EPB41L3: variants seen among roughly 807,000 people sequenced by gnomAD.
The protein encoded by EPB41L3 is erythrocyte membrane protein band 4.1 like 3.
EPB41L3 carries 57 observed loss-of-function variants against 127.1 expected under a neutral mutation model. The observed-to-expected ratio is 0.45, with a 90% CI of 0.36 to 0.56. The LOEUF (loss-of-function observed/expected upper bound fraction) is 0.56. Among genes scored for constraint, EPB41L3 ranks in the 20% least tolerant of loss-of-function variants. The pLI is 0.00. For missense variants in EPB41L3, 1,273 were observed against 1,372.2 expected, an observed-to-expected ratio of 0.93 and a Z score of 1.14; for synonymous variants, 572 against 549.5, an observed-to-expected ratio of 1.04 and a Z score of -0.57.
intron 1 of EPB41L3, among the ~76,000 whole-genome samples, chr18:5,533,992 G>A (rs1174746656): frequency 4.6e-5 from 7 of 152,086 alleles, no homozygotes; most frequent in African/African-American, 1.7e-4. Flanking sequence ...GTGAAACCCC[G>A]TCTCCACTAA....
chr18:5,569,550 T>C lies in EPB41L3; in HGVS notation c.-306+42790A>G, dbSNP rs2094250165. On this transcript the variant is annotated intron_variant, in intron 3 of 21. Coordinates refer to the EPB41L3 transcript ENST00000545076. ...AGAAAGGTACAAATTCATGGTCTCC[T>C]TAAGGGCAAATGCCTTTTACTGCCC... is the stretch of plus-strand genomic sequence containing the variant. Among the ~76,000 whole-genome samples the C allele has an allele frequency of 1.3e-5, 2 of 152,184 alleles. 1 individual carries two copies. The highest frequency in any genetic ancestry group is 4.1e-4 in the South Asian group (2 of 4,828).
intron 2 of EPB41L3, chr18:5,488,721 G>T (rs1233679183): frequency 1.1e-5 from 4 of 373,018 alleles, no homozygotes; most frequent in Non-Finnish European, 1.9e-5. Flanking sequence ...TCTCAGTTTG[G>T]TGTCTATCTT....
Position 5,407,734 on chromosome 18 carries a change from C to T in EPB41L3, c.2124G>A (p.Ser708=), listed in dbSNP as rs757231249. The T allele has an allele frequency of 2.9e-5, 46 of 1,613,882 alleles. 1 individual carries two copies. Among genetic ancestry groups the T allele is most frequent in the South Asian group, 5.5e-5 (5 of 91,048 alleles). ...TGAGCTCTGCATCTTCCTCCTGGTC[C>T]GACTGCCAGCATCAAGAAAGAGTGG... ...AADGETTATE[S]DQEEDAELKA... is the part of the protein sequence containing the mutation. Residue 708 remains serine (S), a splice_region_variant and synonymous_variant, in exon 15 of 23, where the codon TCG becomes TCA. Transcript: ENST00000341928.
chr18:5,499,029 A>C (rs2091477509), intron 1 of EPB41L3, among the ~76,000 whole-genome samples: 3 of 152,194 alleles, frequency 2.0e-5, no homozygotes, highest in Non-Finnish European at 2.9e-5. Context: ...AATTCTCTAT[A>C]AGCCATGTGT....
At chr18:5,416,996 C>CA (rs1488304817) in intron 12 of EPB41L3, among the ~76,000 whole-genome samples, 2 of 152,156 alleles carry the variant, frequency 1.3e-5, no homozygotes, top group Non-Finnish European at 2.9e-5. Context: ...CGACAGTTAG[C>CA]ATTTCTGAAT....
Position 5,424,379 on chromosome 18 carries a change from T to A in EPB41L3, c.1066-20A>T. The A allele has an allele frequency of 3.2e-6, 5 of 1,550,104 alleles. No individual in the cohort carries two copies. The highest frequency in any genetic ancestry group is 4.4e-6 in the Non-Finnish European group (5 of 1,141,944). On this transcript the variant is annotated intron_variant, in intron 9 of 22. Coordinates refer to ENST00000341928, the MANE Select transcript of EPB41L3 (RefSeq NM_012307.5). ...TTCAAACTAAATAAAAAAAAATACA[T>A]TGAAGAGTAAAGTTTAAAATTATAA...
chr18:5,445,322 A>C (rs1045972657), intron 3 of EPB41L3, 78 bp from the exon 4 acceptor site: 5 of 1,151,346 alleles, frequency 4.3e-6, no homozygotes, highest in Non-Finnish European at 6.4e-6. Flanking sequence ...AAAACCAGGT[A>C]ATATTTAAAA....
chr18:5,483,376 A>C (rs2088990942), intron 2 of EPB41L3, among the ~76,000 whole-genome samples: 1 of 152,180 alleles, frequency 6.6e-6, no homozygotes, highest in African/African-American at 2.4e-5. Flanking sequence ...AACATATTAA[A>C]ACACATTACC....
At chr18:5,574,936 G>A (rs1043138553) in intron 3 of EPB41L3, among the ~76,000 whole-genome samples, 1 of 152,114 alleles carries the variant, frequency 6.6e-6, no homozygotes, top group Non-Finnish European at 1.5e-5. Context: ...CTGGGACCCT[G>A]ACACAGCTCT....
In EPB41L3 at chr18:5,407,689, T is replaced by G. The variant is rs759129889; in HGVS notation, c.2157+12A>C. Reference sequence around the variant, plus strand: ...GTTGTTGTTGTTGTTTGTTTTATTTTTAATTTTCTACCTGTGCCTTGAGCT... The same window carrying G: ...GTTGTTGTTGTTGTTTGTTTTATTTGTAATTTTCTACCTGTGCCTTGAGCT... On this transcript the variant is annotated intron_variant, in intron 15 of 22. Transcript: ENST00000341928. 6.2e-7 allele frequency: 1 copy of G among 1,613,784 alleles called. No homozygotes were observed. Among genetic ancestry groups the G allele is most frequent in the Admixed American group, 1.7e-5 (1 of 60,006 alleles).
At position 5,406,797 on chromosome 18, in the gene EPB41L3, C is replaced by G; in HGVS notation, c.2329G>C (p.Glu777Gln). ...AARQEDAPMI[E>Q]PLVPEETKQS... is the part of the protein sequence containing the mutation. ...CTGACCTCTTCAGGGACAAGTGGTT[C>G]GATCATGGGGGCATCCTCCTGCCTG... is the stretch of plus-strand genomic sequence containing the variant. Residue 777 changes from glutamate (E) to glutamine (Q), a missense_variant, in exon 16 of 23, where the codon GAA (glutamate) becomes CAA (glutamine). Transcript: ENST00000341928. 1 of 1,613,982 alleles carries G rather than the reference C, an allele frequency of 6.2e-7. No individual in the cohort carries two copies. Among genetic ancestry groups the G allele is most frequent in the Non-Finnish European group, 8.5e-7 (1 of 1,179,962 alleles).
At chr18:5,494,234 C>T (rs1225886269) in intron 1 of EPB41L3, among the ~76,000 whole-genome samples, 1 of 152,166 alleles carries the variant, frequency 6.6e-6, no homozygotes, top group Non-Finnish European at 1.5e-5. Context: ...CTCCTGTCCT[C>T]CCCATTGCAG....
intron 16 of EPB41L3, among the ~76,000 whole-genome samples, chr18:5,403,797 T>C (rs2074919831): frequency 6.6e-6 from 1 of 152,154 alleles, no homozygotes; most frequent in Non-Finnish European, 1.5e-5. Flanking sequence ...AAGTAGGCTT[T>C]ATTATAAAAT....
chr18:5,540,851 G>A (rs1339814878), intron 1 of EPB41L3, among the ~76,000 whole-genome samples: 1 of 152,038 alleles, frequency 6.6e-6, no homozygotes, highest in Non-Finnish European at 1.5e-5. Context: ...TTGGGAGGCC[G>A]AGACGGGTGG....
chr18:5,492,030 A>G (rs962164213), intron 1 of EPB41L3, among the ~76,000 whole-genome samples: 1 of 152,168 alleles, frequency 6.6e-6, no homozygotes, highest in African/African-American at 2.4e-5. Flanking sequence ...TCTAAATACA[A>G]TATGTCTGGC....
chr18:5,451,091 T>C (rs1236704254), intron 3 of EPB41L3, among the ~76,000 whole-genome samples: 1 of 152,222 alleles, frequency 6.6e-6, no homozygotes, highest in African/African-American at 2.4e-5. Context: ...CATTCCTTCT[T>C]CATTTATTAA....
intron 14 of EPB41L3, 53 bp from the exon 15 acceptor site, chr18:5,407,789 A>G: frequency 6.4e-7 from 1 of 1,556,212 alleles, no homozygotes; most frequent in East Asian, 2.2e-5. Flanking sequence ...AATTTACTCT[A>G]AGATTGAAGA....
intron 3 of EPB41L3, 131 bp from the exon 4 acceptor site, chr18:5,445,375 A>G: frequency 4.2e-6 from 3 of 706,994 alleles, no homozygotes; most frequent in Non-Finnish European, 7.0e-6. Context: ...CAGTGTGATC[A>G]CATTGCCATC....
intron 3 of EPB41L3, among the ~76,000 whole-genome samples, chr18:5,450,427 T>C (rs1277714040): frequency 6.9e-6 from 1 of 145,660 alleles, no homozygotes; most frequent in East Asian, 2.3e-4. Flanking sequence ...TAGGGGATCC[T>C]TCCTGTAAGA....
Sources: gnomAD v4.1 joint callset for allele counts (sites outside exome capture counted in the v4.1 genomes callset) on GRCh38, gnomAD v4.1.1 for gene constraint, MANE v1.5 for transcripts, NCBI Gene and HGNC (gene_info 2026-07-23, HGNC 2026-07-21) for gene names.